The following VPS9D1 variants were observed in gnomAD, a reference collection of about 807,000 sequenced individuals.
The protein encoded by VPS9D1 is VPS9 domain containing 1, also known as VPS9 domain-containing protein 1.
Under a neutral mutation model 75.8 loss-of-function variants are expected in VPS9D1, and 78 were observed. The ratio of observed to expected loss-of-function variants is 1.03; its 90% confidence interval spans 0.86 to 1.24. The LOEUF (loss-of-function observed/expected upper bound fraction) is 1.24, where lower values mean the gene tolerates loss of function less well. VPS9D1 is among the 50% of genes most tolerant of loss of function. The pLI is 0.00. For synonymous variants in VPS9D1, 481 were observed against 385.6 expected, an observed-to-expected ratio of 1.25 and a Z score of -2.90; for missense variants, 1,057 against 847.7, an observed-to-expected ratio of 1.25 and a Z score of -3.07.
Position 89,720,720 on chromosome 16 carries a change from G to A in VPS9D1, c.99+43C>T, listed in dbSNP as rs527751471. 48 of 1,410,772 alleles carry A rather than the reference G, an allele frequency of 3.4e-5. No homozygotes were observed. In the African/African-American group the frequency reaches 5.2e-4, roughly 15 times the overall value. 87.4% of individuals were successfully genotyped at this position (1,410,772 alleles called of 1,614,324 possible). A position where few individuals can be genotyped will look rare whatever the true frequency, so the allele number is the denominator to read the frequency against. On this transcript the variant is annotated intron_variant, in intron 1 of 14. Coordinates refer to ENST00000389386, the MANE Select transcript of VPS9D1 (RefSeq NM_004913.3). ...CCTCCCCGGGCGGGGGTCCCTCCAG[G>A]GGCCACCCTCAGCGGCCAAGCCCCG...
At chr16:89,719,159 T>C (rs2061169477) in intron 1 of VPS9D1, 57 bp from the exon 2 acceptor site, 1 of 1,539,106 alleles carries the variant, frequency 6.5e-7, no homozygotes, top group Non-Finnish European at 9.0e-7. Flanking sequence ...GTGACTCCAT[T>C]ATTCCGGCCA....
intron 1 of VPS9D1, 179 bp from the exon 2 acceptor site, chr16:89,719,281 A>G (rs2151644905): frequency 1.5e-6 from 1 of 671,358 alleles, no homozygotes; most frequent in Middle Eastern, 2.4e-4. Context: ...TTTTCTGCGC[A>G]GGGCACAGGC....
intron 6 of VPS9D1, 136 bp from the exon 7 acceptor site, chr16:89,712,235 G>T: frequency 7.1e-7 from 1 of 1,398,890 alleles, no homozygotes; most frequent in Non-Finnish European, 9.7e-7. Context: ...AAGGCTTCTG[G>T]GGCAGAAGGC....
intron 2 of VPS9D1, chr16:89,717,834 C>G (rs2061114245): frequency 8.8e-6 from 4 of 456,726 alleles, no homozygotes; most frequent in African/African-American, 4.0e-5. Flanking sequence ...CTCCCCCTGA[C>G]CTGTGTGATC....
At chr16:89,708,044 C>A in intron 14 of VPS9D1, 90 bp from the exon 15 acceptor site, 1 of 1,337,358 alleles carries the variant, frequency 7.5e-7, no homozygotes, top group Non-Finnish European at 1.1e-6. Context: ...CCTCCCAGTT[C>A]AGGACCTGGG....
chr16:89,709,020 A>ACCCCGGCCCCCCCCCCCCC lies in VPS9D1; in HGVS notation c.1598-65_1598-64insGGGGGGGGGGGGGCCGGGG. The ACCCCGGCCCCCCCCCCCCC allele has an allele frequency of 3.1e-6, 4 of 1,277,898 alleles. No individual in the cohort carries two copies. The South Asian group carries it at 4.0e-5, about 13-fold the overall frequency. 79.2% of individuals were successfully genotyped at this position (1,277,898 alleles called of 1,614,324 possible). On this transcript the variant is annotated intron_variant, in intron 12 of 14. Transcript: ENST00000389386. ...TCCAGCAGCCTGAGCCACCCCTTATACCCCGCCCACCCACCCACCTCCTGA... is the reference window on the plus strand; with the variant it reads ...TCCAGCAGCCTGAGCCACCCCTTATACCCCGGCCCCCCCCCCCCCCCCCGCCCACCCACCCACCTCCTGA...
intron 6 of VPS9D1, 125 bp from the exon 7 acceptor site, chr16:89,712,224 T>C: frequency 3.5e-6 from 5 of 1,431,138 alleles, no homozygotes; most frequent in Non-Finnish European, 4.8e-6. Flanking sequence ...TGTCCCCAGG[T>C]AAGGCTTCTG....
intron 6 of VPS9D1, 176 bp from the exon 7 acceptor site, chr16:89,712,275 C>A: frequency 7.6e-7 from 1 of 1,321,256 alleles, no homozygotes; most frequent in Non-Finnish European, 1.0e-6. Context: ...AGGGCCGGGC[C>A]AGAGAACATG....
At chr16:89,711,504 T>G (rs1420408559) in intron 8 of VPS9D1, 92 bp from the exon 9 acceptor site, 1 of 1,268,366 alleles carries the variant, frequency 7.9e-7, no homozygotes, top group Non-Finnish European at 1.1e-6. Flanking sequence ...CTAGAGACTG[T>G]GGGAGCCCGT....
chr16:89,709,840 C>T lies in VPS9D1; in HGVS notation c.1325G>A (p.Cys442Tyr), dbSNP rs750848626. ...GLNTAASKDR[C>Y]LACIEEPFFS... ...AAAGGGTTCCTCAATGCAGGCCAGG[C>T]AGCGGTCCTTGGAGGCAGCTGTGTT... Residue 442 changes from cysteine (C) to tyrosine (Y), a missense_variant, in exon 11 of 15, where the codon TGC (cysteine) becomes TAC (tyrosine). Transcript: ENST00000389386. 8 of 1,613,730 alleles carry T rather than the reference C, an allele frequency of 5.0e-6. No homozygotes were observed. The East Asian group carries it at 1.6e-4, about 31-fold the overall frequency.
Position 89,710,845 on chromosome 16 carries a change from G to T in VPS9D1, c.999C>A (p.Cys333Ter). 1 of 1,523,218 alleles carries T rather than the reference G, an allele frequency of 6.6e-7. No individual in the cohort carries two copies. The highest frequency in any genetic ancestry group is 1.2e-5 in the South Asian group (1 of 83,056). 94.4% of individuals were successfully genotyped at this position (1,523,218 alleles called of 1,614,324 possible). A position where few individuals can be genotyped will look rare whatever the true frequency, so the allele number is the denominator to read the frequency against. Residue 333 changes from cysteine to a stop codon, truncating the protein, a stop_gained, in exon 10 of 15, where the codon TGC (cysteine) becomes TGA (stop). Transcript: ENST00000389386. LOFTEE classifies it high-confidence loss of function. ...RRLRPSQSLHCMLSPPEPSAA... is the reference protein window; with the variant it reads ...RRLRPSQSLH Reference sequence around the variant, plus strand: ...CGCTGGGCTCGGGCGGGGACAGCATGCAATGGAGGCTCTGCGAGGGCCGCA... The same window carrying T: ...CGCTGGGCTCGGGCGGGGACAGCATTCAATGGAGGCTCTGCGAGGGCCGCA...
At position 89,709,346 on chromosome 16, in the gene VPS9D1, T is replaced by G. The variant is rs973733708; in HGVS notation, c.1478A>C (p.Lys493Thr). Residue 493 changes from lysine to threonine, a missense_variant, in exon 12 of 15, where the codon AAG (lysine) becomes ACG (threonine). Lys to Thr is a moderately conservative substitution (Grantham distance 78). Coordinates refer to ENST00000389386, the MANE Select transcript of VPS9D1 (RefSeq NM_004913.3). ...APPTAIGIPT[K>T]LLPQNPEAKG... ...GGCCTCAGGGTTCTGGGGGAGGAGCTTGGTGGGGATGCCAATGGCGGTGGG... is the reference window on the plus strand; with the variant it reads ...GGCCTCAGGGTTCTGGGGGAGGAGCGTGGTGGGGATGCCAATGGCGGTGGG... 1 of 1,589,682 alleles carries G rather than the reference T, an allele frequency of 6.3e-7. No homozygotes were observed. The highest frequency in any genetic ancestry group is 1.3e-5 in the African/African-American group (1 of 74,090).
Position 89,719,020 on chromosome 16 carries a change from G to A in VPS9D1, c.175+7C>T. On this transcript the variant is annotated splice_region_variant and intron_variant, in intron 2 of 14. Transcript: ENST00000389386. ...TGAGCCACCGCGCCCGGCTGGCTGA[G>A]CCGTACCTTTAGTGGTTTCCACTTC... is the stretch of plus-strand genomic sequence containing the variant. 6.2e-7 allele frequency: 1 copy of A among 1,611,902 alleles called. No homozygotes were observed. The highest frequency in any genetic ancestry group is 8.5e-7 in the Non-Finnish European group (1 of 1,178,930).
intron 4 of VPS9D1, among the ~76,000 whole-genome samples, chr16:89,715,486 A>G (rs1333901446): frequency 2.6e-5 from 4 of 151,430 alleles, no homozygotes; most frequent in Non-Finnish European, 5.9e-5. Context: ...TCGGCCTCCC[A>G]AAGTGCTGGG....
Position 89,708,859 on chromosome 16 carries a change from G to T in VPS9D1, c.1695C>A (p.Ala565=). ...QAGPPPIAAA[A]IGADDLLPIL... ...CACCTCGCCCTCCTGGGACTCACATGGCAGCTGCAGCGATGGGCGGGGGCC... is the reference window on the plus strand; with the variant it reads ...CACCTCGCCCTCCTGGGACTCACATTGCAGCTGCAGCGATGGGCGGGGGCC... Residue 565 remains alanine (A), a splice_region_variant and synonymous_variant, in exon 13 of 15, where the codon GCC becomes GCA. Coordinates refer to ENST00000389386, the MANE Select transcript of VPS9D1 (RefSeq NM_004913.3). 1 of 1,579,130 alleles carries T rather than the reference G, an allele frequency of 6.3e-7. No individual in the cohort carries two copies. Among genetic ancestry groups the T allele is most frequent in the South Asian group, 1.2e-5 (1 of 84,976 alleles).
At chr16:89,718,060 C>A (rs939279068) in intron 2 of VPS9D1, 2 of 454,708 alleles carry the variant, frequency 4.4e-6, no homozygotes, top group African/African-American at 4.0e-5. Context: ...CCAGTGGCTC[C>A]CCCTGACCTC....
intron 8 of VPS9D1, chr16:89,711,674 C>T (rs955518999): frequency 4.3e-6 from 3 of 703,768 alleles, no homozygotes; most frequent in Non-Finnish European, 6.9e-6. Flanking sequence ...TCCCACGCGA[C>T]CCCTGACCTC....
intron 2 of VPS9D1, chr16:89,717,715 T>G: frequency 2.2e-6 from 1 of 456,616 alleles, no homozygotes; most frequent in South Asian, 1.5e-5. Context: ...TCTGGGACTT[T>G]GCTCTCCCCA....
In VPS9D1 at chr16:89,711,820, G is replaced by C. The variant is rs568750171; in HGVS notation, c.747+62C>G. 19 of 1,519,992 alleles carry C rather than the reference G, an allele frequency of 1.3e-5. No individual in the cohort carries two copies. In the East Asian group the frequency reaches 4.2e-4, roughly 34 times the overall value. The allele number at this position is 1,519,992 out of a possible 1,614,324, so 94.2% of individuals were successfully genotyped here. A position where few individuals can be genotyped will look rare whatever the true frequency, so the allele number is the denominator to read the frequency against. On this transcript the variant is annotated intron_variant, in intron 8 of 14. Transcript: ENST00000389386. ...CCCCCCACGGGGGCCCACCCAGGCG[G>C]CTCTGACCCCGCCCCCCTCGCTGGG...
Sources: allele counts gnomAD v4.1 joint callset (sites outside exome capture counted in the v4.1 genomes callset), GRCh38; gene constraint gnomAD v4.1.1; transcripts MANE v1.5; gene names NCBI Gene and HGNC (gene_info 2026-07-23, HGNC 2026-07-21).